DUSP22: variants seen among roughly 807,000 people sequenced by gnomAD.
DUSP22 encodes the protein dual specificity protein phosphatase 22.
A neutral mutation model predicts 24.5 loss-of-function variants in DUSP22; 24 were observed. The ratio of observed to expected loss-of-function variants is 0.98; its 90% confidence interval spans 0.71 to 1.38. DUSP22 has a LOEUF of 1.38. Among genes scored for constraint, DUSP22 ranks in the 40% most tolerant of loss-of-function variants. DUSP22 has a pLI of 0.00. For synonymous variants in DUSP22, 160 were observed against 106.4 expected (o/e 1.50, Z -3.10); for missense variants, 330 against 269.2 (o/e 1.23, Z -1.58).
At chr6:337,871 C>T (rs1368583651) in intron 4 of DUSP22, 1 of 152,506 alleles carries the variant, frequency 6.6e-6, no homozygotes, top group Non-Finnish European at 1.5e-5. Context: ...GGCTGGATGA[C>T]TGGCTCTTGG....
chr6:312,059 G>A (rs1005097540), intron 3 of DUSP22, 97 bp downstream of exon 3: 24 of 1,285,458 alleles, frequency 1.9e-5, no homozygotes, highest in Middle Eastern at 1.9e-4. Context: ...TCTCCAATGC[G>A]AACGTACTCC....
chr6:300,624 C>T (rs570922690), intron 1 of DUSP22, among the ~76,000 whole-genome samples: 90 of 152,388 alleles, frequency 5.9e-4, no homozygotes, highest in South Asian at 3.3e-3. Context: ...AGTCTCCTGT[C>T]GGAGTGATCT....
In DUSP22 at chr6:350,372, C is replaced by A; in HGVS notation, c.*1421C>A. 7.5e-6 allele frequency: 8 copies of A among 1,069,810 alleles called. No individual in the cohort carries two copies. In the South Asian group the frequency reaches 2.0e-4, roughly 27 times the overall value. 66.3% of individuals were successfully genotyped at this position (1,069,810 alleles called of 1,614,324 possible). ...TAGTCCTTTATACCGACTCAGATTC[C>A]TTAAGCATGCAGAGTCACTCGAATG... On this transcript the variant is annotated 3_prime_UTR_variant, in exon 7 of 7. Transcript: ENST00000419235.
At chr6:343,374 T>TGGGGCAGCTGACTGTCTGGCTGCAGG (rs1759701541) in intron 4 of DUSP22, among the ~76,000 whole-genome samples, 2 of 152,122 alleles carry the variant, frequency 1.3e-5, no homozygotes, top group African/African-American at 4.8e-5. Context: ...GTGCACAGGC[T>TGGGGCAGCTGACTGTCTGGCTGCAGG]GGGGCAGCTG....
At chr6:334,672 C>G (rs1759284174) in intron 3 of DUSP22, among the ~76,000 whole-genome samples, 1 of 152,292 alleles carries the variant, frequency 6.6e-6, no homozygotes, top group Admixed American at 6.5e-5. Flanking sequence ...ATGTAGAAAG[C>G]TGTAATGTGA....
chr6:341,157 G>C (rs1355678085), intron 4 of DUSP22, among the ~76,000 whole-genome samples: 5 of 152,424 alleles, frequency 3.3e-5, no homozygotes, highest in Middle Eastern at 6.8e-3. Context: ...CCCGGGCGCT[G>C]TTTGGTGAGT....
chr6:348,745 C>T (rs767285496), intron 6 of DUSP22, 24 bp from the exon 7 acceptor site: 106 of 1,613,770 alleles, frequency 6.6e-5, no homozygotes, highest in South Asian at 3.7e-4. Context: ...TGTGACGTTT[C>T]GGGTTTGTTT....
chr6:317,404 T>A (rs577057547), intron 3 of DUSP22, among the ~76,000 whole-genome samples: 2 of 152,426 alleles, frequency 1.3e-5, no homozygotes, highest in South Asian at 4.1e-4. Flanking sequence ...TGATAAAGGG[T>A]GTTTAAAGTT....
chr6:333,923 C>T (rs925050414), intron 3 of DUSP22, among the ~76,000 whole-genome samples: 1 of 152,304 alleles, frequency 6.6e-6, no homozygotes, highest in Non-Finnish European at 1.5e-5. Flanking sequence ...GTAGGACTCA[C>T]AATGTCAGGG....
chr6:305,516 C>A (rs1264067304), intron 2 of DUSP22, among the ~76,000 whole-genome samples: 2 of 152,424 alleles, frequency 1.3e-5, no homozygotes, highest in Admixed American at 6.5e-5. Flanking sequence ...CTGGCAGATT[C>A]TTCTCATCTG....
intron 3 of DUSP22, among the ~76,000 whole-genome samples, chr6:334,313 A>G (rs943877742): frequency 2.0e-5 from 3 of 152,304 alleles, no homozygotes; most frequent in Admixed American, 6.5e-5. Context: ...ATCTCTTACA[A>G]AGAGAATATC....
At chr6:304,893 C>T in intron 2 of DUSP22, among the ~76,000 whole-genome samples, 1 of 1,102 alleles carries the variant, frequency 9.1e-4, no homozygotes, top group South Asian at 0.5. Context: ...ATTCTGCTTT[C>T]TGCCTCTATG....
At chr6:346,009 A>G in intron 5 of DUSP22, 81 bp downstream of exon 5, 3 of 1,557,752 alleles carry the variant, frequency 1.9e-6, no homozygotes, top group Non-Finnish European at 2.6e-6. Context: ...CCGTGTGTGA[A>G]TAATGGTTTC....
intron 1 of DUSP22, among the ~76,000 whole-genome samples, chr6:302,597 C>G (rs758223517): frequency 6.6e-6 from 1 of 152,430 alleles, no homozygotes; most frequent in Non-Finnish European, 1.5e-5. Context: ...CTCAGTCACA[C>G]CTCTACGCTG....
At chr6:345,805 A>G (rs1304673204) in intron 4 of DUSP22, 49 bp from the exon 5 acceptor site, 9 of 1,601,484 alleles carry the variant, frequency 5.6e-6, no homozygotes, top group East Asian at 4.5e-5. Context: ...TTTTCATCAT[A>G]TATTGAGTAA....
intron 4 of DUSP22, among the ~76,000 whole-genome samples, chr6:343,658 T>TTTGC (rs1759719482): frequency 2.1e-5 from 3 of 143,260 alleles, no homozygotes; most frequent in African/African-American, 5.1e-5. Context: ...GCAGAACATG[T>TTTGC]GTGTGCATGT....
At chr6:335,401 C>T (rs752104667) in intron 4 of DUSP22, among the ~76,000 whole-genome samples, 3 of 152,306 alleles carry the variant, frequency 2.0e-5, no homozygotes, top group Admixed American at 1.3e-4. Flanking sequence ...CATGGGCTGT[C>T]CACAAGAAGG....
intron 4 of DUSP22, among the ~76,000 whole-genome samples, chr6:339,164 A>G (rs569707997): frequency 6.6e-6 from 1 of 152,308 alleles, no homozygotes; most frequent in Non-Finnish European, 1.5e-5. Context: ...AGTTTGTATC[A>G]AATGCACACA....
intron 5 of DUSP22, among the ~76,000 whole-genome samples, chr6:347,100 A>T (rs9503340): frequency 2.6e-5 from 4 of 152,288 alleles, no homozygotes; most frequent in African/African-American, 9.6e-5. Context: ...TGGGGGTTCA[A>T]TTGGAGCCAA....
Sources: gnomAD v4.1 joint callset for allele counts (sites outside exome capture counted in the v4.1 genomes callset) on GRCh38, gnomAD v4.1.1 for gene constraint, MANE v1.5 for transcripts, NCBI Gene and HGNC (gene_info 2026-07-23, HGNC 2026-07-21) for gene names.